Variants in PSMA3 observed in about 807,000 individuals in gnomAD.
PSMA3 encodes proteasome subunit alpha type-3.
PSMA3 carries 8 observed loss-of-function variants against 40.0 expected under a neutral mutation model. The observed-to-expected ratio is 0.20, with a 90% confidence interval of 0.12 to 0.36. The LOEUF is 0.36. PSMA3 is among the 10% of genes least tolerant of loss of function. PSMA3 has a pLI of 1.00. For missense variants in PSMA3, 219 were observed against 310.6 expected (o/e 0.70, Z 2.22); for synonymous variants, 110 against 100.0 (o/e 1.10, Z -0.59).
chr14:58,267,596 A>G (rs1890482742), intron 8 of PSMA3, 76 bp downstream of exon 8: 4 of 1,371,920 alleles, frequency 2.9e-6, no homozygotes, highest in Middle Eastern at 1.9e-4. Flanking sequence ...ATTAATCCTA[A>G]GAAGCTGTTT....
At chr14:58,267,322 A>T in intron 7 of PSMA3, 152 bp from the exon 8 acceptor site, 1 of 1,199,356 alleles carries the variant, frequency 8.3e-7, no homozygotes, top group Non-Finnish European at 1.0e-6. Flanking sequence ...ATTTCAAAAC[A>T]TTAAAATATG....
At chr14:58,270,263 T>A (rs911907700) in intron 8 of PSMA3, 155 bp from the exon 9 acceptor site, 10 of 1,066,192 alleles carry the variant, frequency 9.4e-6, no homozygotes, top group Non-Finnish European at 1.3e-5. Flanking sequence ...GTAATTTGTC[T>A]TCTCTAATGT....
At chr14:58,261,165 TCTTGTCCAACAGAA>T in intron 6 of PSMA3, 145 bp downstream of exon 6, 1 of 610,640 alleles carries the variant, frequency 1.6e-6, no homozygotes, top group Non-Finnish European at 2.7e-6. Flanking sequence ...TACAACAACC[TCTTGTCCAACAGAA>T]TTTTTTTTTT....
chr14:58,258,047 T>C (rs774177286), intron 5 of PSMA3, 49 bp downstream of exon 5: 33 of 1,397,370 alleles, frequency 2.4e-5, no homozygotes, highest in South Asian at 1.5e-4. Flanking sequence ...ACTATAGATA[T>C]TTATTATGTT....
chr14:58,245,772 G>C (rs1889867211), intron 1 of PSMA3, among the ~76,000 whole-genome samples: 1 of 152,170 alleles, frequency 6.6e-6, no homozygotes, highest in Non-Finnish European at 1.5e-5. Flanking sequence ...ATTGAATAAT[G>C]AGTTTCTCAG....
chr14:58,270,092 C>T lies in PSMA3; in HGVS notation c.591-326C>T, dbSNP rs144630437. Reference sequence around the variant, plus strand: ...TCGAACTGACCTCAAGTGATCCATCCGCCTTGGTCTCCCAAAGTGTTGGGA... The same window carrying T: ...TCGAACTGACCTCAAGTGATCCATCTGCCTTGGTCTCCCAAAGTGTTGGGA... On this transcript the variant is annotated intron_variant, in intron 8 of 10. Coordinates refer to ENST00000216455, the MANE Select transcript of PSMA3 (RefSeq NM_002788.4). 524 of 199,468 alleles carry T rather than the reference C, an allele frequency of 2.6e-3. 2 individuals carry two copies. The highest frequency in any genetic ancestry group is 9.2e-3 in the African/African-American group (392 of 42,456). 12.4% of individuals were successfully genotyped at this position (199,468 alleles called of 1,614,324 possible). A position where few individuals can be genotyped will look rare whatever the true frequency, so the allele number is the denominator to read the frequency against.
At chr14:58,257,101 C>CAA (rs60421135) in intron 3 of PSMA3, among the ~76,000 whole-genome samples, 124 of 104,686 alleles carry the variant, frequency 1.2e-3, no homozygotes, top group African/African-American at 3.9e-3. Context: ...GACTCTGTCT[C>CAA]AAAAAAAAAA....
intron 3 of PSMA3, among the ~76,000 whole-genome samples, chr14:58,252,518 A>C (rs1890035456): frequency 6.6e-6 from 1 of 152,172 alleles, no homozygotes; most frequent in Non-Finnish European, 1.5e-5. Context: ...TATATGCTTG[A>C]GAGGTGAAGA....
chr14:58,248,987 C>T (rs975224954), intron 2 of PSMA3, among the ~76,000 whole-genome samples: 3 of 152,064 alleles, frequency 2.0e-5, no homozygotes, highest in African/African-American at 7.2e-5. Flanking sequence ...AAAAATGAGA[C>T]GTAGTTTCAC....
At chr14:58,254,139 A>T (rs1047812207) in intron 3 of PSMA3, among the ~76,000 whole-genome samples, 1 of 151,016 alleles carries the variant, frequency 6.6e-6, no homozygotes, top group African/African-American at 2.4e-5. Flanking sequence ...TCCACTTATA[A>T]GAGAGAACAT....
intron 8 of PSMA3, chr14:58,270,119 T>G: frequency 4.1e-6 from 1 of 245,026 alleles, no homozygotes; most frequent in Non-Finnish European, 7.9e-6. Context: ...GTGTTGGGAT[T>G]ACAGGTGTGA....
chr14:58,255,363 A>G (rs1221889192), intron 3 of PSMA3, among the ~76,000 whole-genome samples: 1 of 152,002 alleles, frequency 6.6e-6, no homozygotes, highest in Non-Finnish European at 1.5e-5. Flanking sequence ...TTTTTTTCAC[A>G]GCAACCACTA....
rs142139987 is a variant in PSMA3 at position 58,267,520 on chromosome 14, T to C, written c.590T>C (p.Ile197Thr). ...GATATCGTTAAAGAAGTTGCAAAAA[T>C]GTAAGTTGAAATTTTTCTTACCATC... The part of the protein sequence containing the change: ...CRDIVKEVAK[I>T]IYIVHDEVKD... Residue 197 changes from isoleucine to threonine, a missense_variant and splice_region_variant, in exon 8 of 11, where the codon ATA (isoleucine) becomes ACA (threonine). Coordinates refer to ENST00000216455, the MANE Select transcript of PSMA3 (RefSeq NM_002788.4). 24 of 1,575,658 alleles carry C rather than the reference T, an allele frequency of 1.5e-5. No homozygotes were observed. The highest frequency in any genetic ancestry group is 2.0e-5 in the Non-Finnish European group (23 of 1,165,174).
chr14:58,268,630 T>C (rs1245733897), intron 8 of PSMA3: 1 of 152,216 alleles, frequency 6.6e-6, no homozygotes, highest in African/African-American at 2.4e-5. Flanking sequence ...TTGAATTGTA[T>C]AGTATGTTAT....
intron 3 of PSMA3, among the ~76,000 whole-genome samples, chr14:58,255,952 G>A (rs1361795657): frequency 6.6e-6 from 1 of 151,622 alleles, no homozygotes; most frequent in Non-Finnish European, 1.5e-5. Context: ...TCCGCCTCCC[G>A]AGTTCAAGTG....
rs116839985 is a variant in PSMA3 at position 58,255,287 on chromosome 14, A to G, written c.229-2458A>G. 1.4e-3 allele frequency among the ~76,000 whole-genome samples: 220 copies of G among 152,016 alleles called. 1 individual carries two copies. The highest frequency in any genetic ancestry group is 5.1e-3 in the African/African-American group (213 of 41,448). ...AAATTTCTAGTATATACACTGCACA[A>G]CCTCCCAAATTTGGATGTGGCCACT... On this transcript the variant is annotated intron_variant, in intron 3 of 10. Transcript: ENST00000216455.
rs758099976 is a variant in PSMA3 at position 58,271,836 on chromosome 14, GT to G, written c.724-11del. On this transcript the variant is annotated splice_polypyrimidine_tract_variant and intron_variant, in intron 10 of 10. Coordinates refer to ENST00000216455, the MANE Select transcript of PSMA3 (RefSeq NM_002788.4). ...TTTTAAAAATCAATTTTAAACACCT[GT>G]TTTCTCTTAACAGGAATCTCTGAAG... 1 of 1,590,446 alleles carries G rather than the reference GT, an allele frequency of 6.3e-7. No homozygotes were observed. Among genetic ancestry groups the G allele is most frequent in the Admixed American group, 1.7e-5 (1 of 59,732 alleles).
chr14:58,270,859 G>C (rs1157525262), intron 9 of PSMA3, 75 bp from the exon 10 acceptor site: 3 of 1,240,982 alleles, frequency 2.4e-6, no homozygotes, highest in East Asian at 4.7e-5. Flanking sequence ...GGATTGGGTA[G>C]ATCCTATGGT....
intron 10 of PSMA3, among the ~76,000 whole-genome samples, chr14:58,271,603 G>A (rs1890627895): frequency 6.6e-6 from 1 of 152,046 alleles, no homozygotes; most frequent in African/African-American, 2.4e-5. Flanking sequence ...GTAAAGTGCT[G>A]GGATTACAGG....
Sources: allele counts gnomAD v4.1 joint callset (sites outside exome capture counted in the v4.1 genomes callset), GRCh38; gene constraint gnomAD v4.1.1; transcripts MANE v1.5; gene names NCBI Gene and HGNC (gene_info 2026-07-23, HGNC 2026-07-21).